Variants in ABL2 observed in about 807,000 individuals in gnomAD.
ABL2 encodes ABL proto-oncogene 2, non-receptor tyrosine kinase.
In ABL2, 49 loss-of-function variants were observed where a neutral mutation model predicts 107.7. That is an observed-to-expected ratio of 0.45 (90% confidence interval 0.36 to 0.58). The LOEUF (loss-of-function observed/expected upper bound fraction) is 0.58. Ranked by LOEUF, ABL2 falls within the 20% of genes least tolerant of loss-of-function variation. The pLI is 0.00. For synonymous variants in ABL2, 549 were observed against 548.6 expected, an observed-to-expected ratio of 1.00 and a Z score of -0.01; for missense variants, 1,245 against 1,457.0, an observed-to-expected ratio of 0.85 and a Z score of 2.37.
At chr1:179,135,941 C>T (rs112922460) in intron 1 of ABL2, among the ~76,000 whole-genome samples, 9 of 132,108 alleles carry the variant, frequency 6.8e-5, no homozygotes, top group Non-Finnish European at 8.5e-5. Flanking sequence ...CCAGCCGCCC[C>T]GTCCAGGAGG....
At position 179,214,496 on chromosome 1, in the gene ABL2, A is replaced by G. The variant is rs181432480; in HGVS notation, c.157+14745T>C. Reference sequence around the variant, plus strand: ...AATGTGCAGGAGGAGACAAAGATCAATGGAACAACAGTTTTAAAATGACAT... The same window carrying G: ...AATGTGCAGGAGGAGACAAAGATCAGTGGAACAACAGTTTTAAAATGACAT... On this transcript the variant is annotated intron_variant, in intron 1 of 11. Transcript: ENST00000502732. 8.3e-4 allele frequency among the ~76,000 whole-genome samples: 119 copies of G among 143,722 alleles called. No homozygotes were observed. The Admixed American group carries it at 8.3e-3, about 10-fold the overall frequency. 94.3% of individuals were successfully genotyped at this position (143,722 alleles called of 152,430 possible).
At chr1:179,112,222 G>C in intron 10 of ABL2, 87 bp downstream of exon 10, 4 of 1,184,898 alleles carry the variant, frequency 3.4e-6, no homozygotes, top group Non-Finnish European at 3.7e-6. Context: ...CACAAAAGTT[G>C]ATCATTTTTG....
In ABL2 at chr1:179,106,239, C is replaced by T. The variant is rs187335936; in HGVS notation, c.*1479G>A. 1.1e-4 allele frequency: 26 copies of T among 226,790 alleles called. No individual in the cohort carries two copies. The highest frequency in any genetic ancestry group is 1.1e-3 in the Admixed American group (19 of 17,568). 14.0% of individuals were successfully genotyped at this position (226,790 alleles called of 1,614,324 possible). On this transcript the variant is annotated 3_prime_UTR_variant, in exon 12 of 12. Transcript: ENST00000502732. The stretch of plus-strand genomic sequence containing the variant: ...TACCAAGAACATTAATAATACCTAA[C>T]TCATTAGATTCACTTCCATGCCATC...
chr1:179,191,751 C>T (rs977962642), intron 1 of ABL2, among the ~76,000 whole-genome samples: 1 of 152,108 alleles, frequency 6.6e-6, no homozygotes, highest in African/African-American at 2.4e-5. Flanking sequence ...TATACATATT[C>T]TGCTATCATT....
intron 1 of ABL2, among the ~76,000 whole-genome samples, chr1:179,138,597 T>C (rs1365363236): frequency 1.3e-5 from 2 of 152,200 alleles, no homozygotes; most frequent in African/African-American, 4.8e-5. Context: ...CCATTTCAGT[T>C]AATGGCAATT....
At chr1:179,216,430 A>T (rs1473653613) in intron 1 of ABL2, among the ~76,000 whole-genome samples, 1 of 152,246 alleles carries the variant, frequency 6.6e-6, no homozygotes, top group African/African-American at 2.4e-5. Context: ...ACAAACACAG[A>T]CACACACATC....
At chr1:179,180,391 C>T (rs187561152) in intron 1 of ABL2, among the ~76,000 whole-genome samples, 170 of 152,318 alleles carry the variant, frequency 1.1e-3, no homozygotes, top group African/African-American at 3.9e-3. Flanking sequence ...CTTTCTTATA[C>T]GTTCCCTCTG....
At chr1:179,219,666 G>T (rs1662770362) in intron 1 of ABL2, among the ~76,000 whole-genome samples, 1 of 152,176 alleles carries the variant, frequency 6.6e-6, no homozygotes, top group Non-Finnish European at 1.5e-5. Flanking sequence ...TACCTTACAA[G>T]GAAGGTAGAC....
In ABL2 at chr1:179,109,098, T is replaced by A. The variant is rs768782637; in HGVS notation, c.2169A>T (p.Ala723=). ...CGTCGTCATTACAGAGGTTCCTCTG[T>A]GCAAAGCTCCCCCCATAGCACTTGG... is the stretch of plus-strand genomic sequence containing the variant. ...VPPKCYGGSF[A]QRNLCNDDGG... Residue 723 remains alanine (A), a synonymous_variant, in exon 12 of 12, where the codon GCA becomes GCT. Coordinates refer to ENST00000502732, the MANE Select transcript of ABL2 (RefSeq NM_007314.4). The A allele has an allele frequency of 6.7e-7, 1 of 1,491,242 alleles. No homozygotes were observed. Among genetic ancestry groups the A allele is most frequent in the Non-Finnish European group, 9.0e-7 (1 of 1,105,934 alleles). 92.4% of individuals were successfully genotyped at this position (1,491,242 alleles called of 1,614,324 possible).
intron 3 of ABL2, among the ~76,000 whole-genome samples, chr1:179,129,744 G>A (rs1239937344): frequency 6.6e-6 from 1 of 150,968 alleles, no homozygotes; most frequent in African/African-American, 2.4e-5. Context: ...TACGTAAAAT[G>A]TTCCTACAAC....
Position 179,207,037 on chromosome 1 carries a change from A to G in ABL2, c.157+22204T>C, listed in dbSNP as rs573992665. Among the ~76,000 whole-genome samples, 9 of 152,324 alleles carry G rather than the reference A, an allele frequency of 5.9e-5. No individual in the cohort carries two copies. The South Asian group carries it at 1.9e-3, about 32-fold the overall frequency. On this transcript the variant is annotated intron_variant, in intron 1 of 11. Transcript: ENST00000502732. ...TAATTTCTAATAGCTTGCCAGCTCCAGTTTCCAACAGGCACAGCTGTACAG... is the reference window on the plus strand; with the variant it reads ...TAATTTCTAATAGCTTGCCAGCTCCGGTTTCCAACAGGCACAGCTGTACAG...
At chr1:179,118,864 G>C in intron 6 of ABL2, 100 bp from the exon 7 acceptor site, 1 of 1,282,784 alleles carries the variant, frequency 7.8e-7, no homozygotes, top group Non-Finnish European at 1.1e-6. Context: ...GGTCTAGTTC[G>C]GCAATAATCT....
intron 8 of ABL2, among the ~76,000 whole-genome samples, chr1:179,115,680 G>C (rs1315242645): frequency 2.0e-5 from 3 of 152,150 alleles, no homozygotes; most frequent in African/African-American, 4.8e-5. Context: ...GGCATCCAAG[G>C]GGGGGGTCTT....
chr1:179,157,971 C>T (rs935055578), intron 1 of ABL2, among the ~76,000 whole-genome samples: 4 of 152,172 alleles, frequency 2.6e-5, no homozygotes, highest in African/African-American at 7.2e-5. Flanking sequence ...TAAACCGTCT[C>T]GAAAGAATGG....
chr1:179,132,095 T>C (rs1364286397), intron 2 of ABL2, among the ~76,000 whole-genome samples: 2 of 152,262 alleles, frequency 1.3e-5, no homozygotes, highest in Admixed American at 6.5e-5. Flanking sequence ...AATCTTTTTT[T>C]CGTTTTAAAA....
At chr1:179,128,883 C>G (rs774685155) in intron 3 of ABL2, among the ~76,000 whole-genome samples, 5 of 152,034 alleles carry the variant, frequency 3.3e-5, no homozygotes, top group Non-Finnish European at 7.4e-5. Flanking sequence ...AGGGGTCTCA[C>G]TACATTGCCT....
rs1227288994 is a variant in ABL2, at chr1:179,103,251, C to A, written c.*4467G>T. On this transcript the variant is annotated 3_prime_UTR_variant, in exon 12 of 12. Coordinates refer to ENST00000502732, the MANE Select transcript of ABL2 (RefSeq NM_007314.4). ...CAAACACTTGCTATACCTGCTCATA[C>A]CTGTTAAGCAGTTTCATATTTCTAA... The A allele has an allele frequency of 4.8e-6, 1 of 209,036 alleles. No individual in the cohort carries two copies. Among genetic ancestry groups the A allele is most frequent in the African/African-American group, 2.3e-5 (1 of 44,106 alleles). 12.9% of individuals were successfully genotyped at this position (209,036 alleles called of 1,614,324 possible).
chr1:179,138,363 T>C (rs931966714), intron 1 of ABL2, among the ~76,000 whole-genome samples: 1 of 152,174 alleles, frequency 6.6e-6, no homozygotes, highest in African/African-American at 2.4e-5. Flanking sequence ...CCTCCCAAAG[T>C]ACTGCGATTA....
intron 1 of ABL2, among the ~76,000 whole-genome samples, chr1:179,209,675 A>T (rs1662159030): frequency 1.3e-5 from 2 of 152,100 alleles, no homozygotes; most frequent in Non-Finnish European, 2.9e-5. Flanking sequence ...TCCAGTTCTA[A>T]ATTTTTATAC....
Sources: gnomAD v4.1 joint callset for allele counts (sites outside exome capture counted in the v4.1 genomes callset) on GRCh38, gnomAD v4.1.1 for gene constraint, MANE v1.5 for transcripts, NCBI Gene and HGNC (gene_info 2026-07-23, HGNC 2026-07-21) for gene names.